PDE3A: variants seen among roughly 807,000 people sequenced by gnomAD.
The protein encoded by PDE3A is phosphodiesterase 3A.
A neutral mutation model predicts 98.3 loss-of-function variants in PDE3A; 43 were observed. That is an observed-to-expected ratio of 0.44 (90% CI 0.34 to 0.56). The LOEUF is 0.56. Among genes scored for constraint, PDE3A ranks in the 20% least tolerant of loss-of-function variants. PDE3A has a pLI of 0.01. For synonymous variants in PDE3A, 663 were observed against 567.9 expected (o/e 1.17, Z -2.38); for missense variants, 1,427 against 1,440.7 (o/e 0.99, Z 0.15).
intron 1 of PDE3A, among the ~76,000 whole-genome samples, chr12:20,501,805 G>A (rs929561664): frequency 1.3e-5 from 2 of 152,070 alleles, no homozygotes; most frequent in Admixed American, 6.6e-5. Flanking sequence ...AAAGATAATA[G>A]AAATGATTGC....
intron 10 of PDE3A, among the ~76,000 whole-genome samples, chr12:20,642,466 G>A (rs1321326286): frequency 1.3e-5 from 2 of 152,146 alleles, no homozygotes; most frequent in Non-Finnish European, 2.9e-5. Flanking sequence ...GATAAATAAT[G>A]TTTGGTGTCA....
chr12:20,377,167 A>G (rs1943587790), intron 1 of PDE3A, among the ~76,000 whole-genome samples: 1 of 151,732 alleles, frequency 6.6e-6, no homozygotes, highest in Non-Finnish European at 1.5e-5. Flanking sequence ...GGTTGTATCA[A>G]TTTAGTGAAG....
intron 15 of PDE3A, among the ~76,000 whole-genome samples, chr12:20,654,764 G>C (rs1037801575): frequency 6.9e-6 from 1 of 145,970 alleles, no homozygotes; most frequent in Admixed American, 7.2e-5. Flanking sequence ...TGCCTGCCTC[G>C]ACCTCCCAAA....
At chr12:20,648,320 TTC>T (rs2121516409) in intron 12 of PDE3A, among the ~76,000 whole-genome samples, 1 of 150,452 alleles carries the variant, frequency 6.6e-6, no homozygotes, top group East Asian at 1.9e-4. Context: ...TATAATTTTT[TTC>T]TTTTTTCTTT....
At position 20,560,313 on chromosome 12, in the gene PDE3A, C is replaced by T. The variant is rs76764873; in HGVS notation, c.1011+3603C>T. On this transcript the variant is annotated intron_variant, in intron 2 of 15. Coordinates refer to ENST00000359062, the MANE Select transcript of PDE3A (RefSeq NM_000921.5). ...ATATGCTATAAAGACTAGAAACAAG[C>T]TGAGGAGGGAGTTAATATGAGTGTG... Among the ~76,000 whole-genome samples the T allele has an allele frequency of 5.0e-3, 759 of 152,002 alleles. 5 individuals carry two copies. The highest frequency in any genetic ancestry group is 0.016 in the East Asian group (84 of 5,158).
At chr12:20,613,810 A>G in intron 3 of PDE3A, 110 bp downstream of exon 3, 3 of 743,814 alleles carry the variant, frequency 4.0e-6, no homozygotes, top group Non-Finnish European at 4.5e-6. Flanking sequence ...TCAGTGACTC[A>G]GGCAAAATGT....
intron 1 of PDE3A, among the ~76,000 whole-genome samples, chr12:20,409,537 A>G (rs1944295967): frequency 6.6e-6 from 1 of 152,240 alleles, no homozygotes; most frequent in Admixed American, 6.5e-5. Context: ...GGAAGAAAGT[A>G]GTTGTCTTTG....
In PDE3A at chr12:20,684,383, G is replaced by A. The variant is rs1171007141; in HGVS notation, c.*4112G>A. ...AAACTTCCTTTCAAACTGTTAGAAC[G>A]CTCCAATAAAACAAAGTTCTATGAA... On this transcript the variant is annotated 3_prime_UTR_variant, in exon 16 of 16. Transcript: ENST00000359062. The A allele has an allele frequency of 1.3e-5, 2 of 151,954 alleles. No homozygotes were observed. The highest frequency in any genetic ancestry group is 6.6e-5 in the Admixed American group (1 of 15,258). The allele number at this position is 151,954 out of a possible 1,614,324, so 9.4% of individuals were successfully genotyped here.
At chr12:20,572,832 C>T (rs556742016) in intron 2 of PDE3A, among the ~76,000 whole-genome samples, 18 of 152,166 alleles carry the variant, frequency 1.2e-4, no homozygotes, top group African/African-American at 2.4e-4. Context: ...TTCTGAAGTT[C>T]GTGCATGTAT....
Position 20,369,397 on chromosome 12 carries a change from C to G in PDE3A, c.113C>G (p.Pro38Arg). 6.4e-7 allele frequency: 1 copy of G among 1,551,890 alleles called. No homozygotes were observed. The highest frequency in any genetic ancestry group is 8.7e-7 in the Non-Finnish European group (1 of 1,148,376). ...CACCATCGTGCGGACCCCGCATCGC[C>G]GCGGGACTCGGGCTGCCGTGGCTGC... is the stretch of plus-strand genomic sequence containing the variant. ...DCHHRADPAS[P>R]RDSGCRGCWG... is the part of the protein sequence containing the mutation. Residue 38 changes from proline (P) to arginine (R), a missense_variant, in exon 1 of 16, where the codon CCG becomes CGG. Transcript: ENST00000359062.
At chr12:20,607,999 T>G (rs971624980) in intron 2 of PDE3A, among the ~76,000 whole-genome samples, 1 of 152,240 alleles carries the variant, frequency 6.6e-6, no homozygotes, top group Non-Finnish European at 1.5e-5. Context: ...AAAAAACTTC[T>G]GTGTGAATCA....
At chr12:20,375,879 A>AAC (rs1322856660) in intron 1 of PDE3A, among the ~76,000 whole-genome samples, 3 of 151,860 alleles carry the variant, frequency 2.0e-5, no homozygotes, top group African/African-American at 7.2e-5. Context: ...CTCCTCTCTG[A>AAC]AATTGTATGC....
chr12:20,638,171 C>T (rs983020239), intron 9 of PDE3A, among the ~76,000 whole-genome samples: 3 of 152,110 alleles, frequency 2.0e-5, no homozygotes, highest in African/African-American at 7.2e-5. Flanking sequence ...TGCAGTGCAT[C>T]AGAGATGAGC....
chr12:20,613,628 T>C lies in PDE3A; in HGVS notation c.1197T>C (p.Thr399=), dbSNP rs1943924620. Residue 399 remains threonine (T), a synonymous_variant, in exon 3 of 16, where the codon ACT becomes ACC. Coordinates refer to ENST00000359062, the MANE Select transcript of PDE3A (RefSeq NM_000921.5). The stretch of plus-strand genomic sequence containing the variant: ...ACAAGCCCAGAGTGAATCCCGTCAC[T>C]TCGCTCAGTGAAAACTATACCTGTT... ...AIHKPRVNPV[T]SLSENYTCSD... 3 of 1,613,752 alleles carry C rather than the reference T, an allele frequency of 1.9e-6. No homozygotes were observed. Among genetic ancestry groups the C allele is most frequent in the Non-Finnish European group, 2.5e-6 (3 of 1,179,630 alleles).
chr12:20,378,142 A>G (rs1238654389), intron 1 of PDE3A, among the ~76,000 whole-genome samples: 1 of 151,748 alleles, frequency 6.6e-6, no homozygotes, highest in Admixed American at 6.6e-5. Flanking sequence ...TATAGAGCAG[A>G]TTGGAGATTT....
chr12:20,460,056 G>C (rs1383467549), intron 1 of PDE3A, among the ~76,000 whole-genome samples: 1 of 152,282 alleles, frequency 6.6e-6, no homozygotes, highest in Non-Finnish European at 1.5e-5. Flanking sequence ...TCTCAGGCTG[G>C]ATACCATAGT....
At chr12:20,377,397 C>T (rs1943591361) in intron 1 of PDE3A, among the ~76,000 whole-genome samples, 1 of 151,704 alleles carries the variant, frequency 6.6e-6, no homozygotes. Flanking sequence ...AAATATTTTG[C>T]ATTCTGTTTT....
intron 1 of PDE3A, among the ~76,000 whole-genome samples, chr12:20,448,051 G>A (rs2120872879): frequency 6.6e-6 from 1 of 152,296 alleles, no homozygotes; most frequent in South Asian, 2.1e-4. Flanking sequence ...TATTCGGAGA[G>A]ATTGGAAAGA....
At chr12:20,408,883 T>C (rs1337031392) in intron 1 of PDE3A, among the ~76,000 whole-genome samples, 1 of 152,212 alleles carries the variant, frequency 6.6e-6, no homozygotes. Flanking sequence ...TTGCACAGTT[T>C]TTGAGTGCAA....
Sources: allele counts gnomAD v4.1 joint callset (sites outside exome capture counted in the v4.1 genomes callset), GRCh38; gene constraint gnomAD v4.1.1; transcripts MANE v1.5; gene names NCBI Gene and HGNC (gene_info 2026-07-23, HGNC 2026-07-21).